Variants in GAS2L2 observed in about 807,000 individuals in gnomAD.
The protein encoded by GAS2L2 is GAS2-like protein 2.
In GAS2L2, 21 loss-of-function variants were observed where a neutral mutation model predicts 35.2. The ratio of observed to expected loss-of-function variants is 0.60; its 90% CI spans 0.42 to 0.86. GAS2L2 has a LOEUF of 0.86. GAS2L2 is among the 40% of genes least tolerant of loss of function. The pLI, the probability that GAS2L2 is intolerant of heterozygous loss-of-function variation, is 0.00. For synonymous variants in GAS2L2, 490 were observed against 473.2 expected, an observed-to-expected ratio of 1.04 and a Z score of -0.46; for missense variants, 1,169 against 1,144.4, an observed-to-expected ratio of 1.02 and a Z score of -0.31.
rs1297744409 is a variant in GAS2L2, at chr17:35,744,808, A to G, written c.*46T>C. 4 of 1,391,724 alleles carry G rather than the reference A, an allele frequency of 2.9e-6. No individual in the cohort carries two copies. Among genetic ancestry groups the G allele is most frequent in the African/African-American group, 1.4e-5 (1 of 70,110 alleles). The allele number at this position is 1,391,724 out of a possible 1,614,324, so 86.2% of individuals were successfully genotyped here. On this transcript the variant is annotated 3_prime_UTR_variant, in exon 6 of 6. Transcript: ENST00000604641. ...CCGCAGCTGTGAATCCAGTGTATAC[A>G]TGGCCATCCTTTTTGCTTCCCTCCT...
At position 35,744,750 on chromosome 17, in the gene GAS2L2, C is replaced by G. The variant is rs2085651887; in HGVS notation, c.*104G>C. 2.3e-6 allele frequency: 2 copies of G among 886,298 alleles called. No homozygotes were observed. Among genetic ancestry groups the G allele is most frequent in the Admixed American group, 2.6e-5 (1 of 38,736 alleles). 54.9% of individuals were successfully genotyped at this position (886,298 alleles called of 1,614,324 possible). On this transcript the variant is annotated 3_prime_UTR_variant, in exon 6 of 6. Coordinates refer to ENST00000604641, the MANE Select transcript of GAS2L2 (RefSeq NM_139285.4). ...TTCTGACCCACTCCTGCCCAAGGCC[C>G]TGTGTGGAGGTGAGGGAACATCCCT...
intron 1 of GAS2L2, among the ~76,000 whole-genome samples, chr17:35,751,681 G>A (rs1555599791): frequency 1.4e-5 from 2 of 144,192 alleles, no homozygotes. Context: ...AAAAAAAAAA[G>A]ACTCAGGCCA....
rs147724556 is a variant in GAS2L2, at chr17:35,746,272, G to T, written c.1225C>A (p.Pro409Thr). 1 of 1,453,924 alleles carries T rather than the reference G, an allele frequency of 6.9e-7. No homozygotes were observed. The highest frequency in any genetic ancestry group is 1.8e-5 in the South Asian group (1 of 56,404). 90.1% of individuals were successfully genotyped at this position (1,453,924 alleles called of 1,614,324 possible). The stretch of plus-strand genomic sequence containing the variant: ...GGAATCCTTCCCCTGGGGAGTTCAG[G>T]GGGGTATCTCTCCTCCCTCTTTCCT... ...SSGKREERYP[P>T]ELPRGRIPTS... The change falls in exon 6 of 6, where the codon CCT (proline) becomes ACT (threonine). Residue 409 changes from proline to threonine, a missense_variant. Pro to Thr is a conservative substitution (Grantham distance 38, BLOSUM62 -1). This residue lies in a region of GAS2L2 where 1,035 missense variants were observed against 976.5 expected (regional missense o/e 1.06). Transcript: ENST00000604641.
intron 1 of GAS2L2, among the ~76,000 whole-genome samples, chr17:35,750,953 A>G (rs1238156444): frequency 6.6e-6 from 1 of 152,052 alleles, no homozygotes; most frequent in East Asian, 2.0e-4. Context: ...CTAACCATTC[A>G]CAATGTCCGG....
At chr17:35,750,009 G>C in intron 2 of GAS2L2, 68 bp downstream of exon 2, 1 of 1,513,248 alleles carries the variant, frequency 6.6e-7, no homozygotes, top group Non-Finnish European at 8.9e-7. Context: ...GGGCTGGAGT[G>C]GGACTGGGGA....
chr17:35,744,967 C>T lies in GAS2L2; in HGVS notation c.2530G>A (p.Glu844Lys). 2.5e-6 allele frequency: 4 copies of T among 1,614,180 alleles called. No individual in the cohort carries two copies. The highest frequency in any genetic ancestry group is 3.4e-6 in the Non-Finnish European group (4 of 1,180,032). ...AATGGAGCGGCTGGCTCTTTCTCCTCCTTTCCTTCCTCCTCCTCCTCACCT... is the reference window on the plus strand; with the variant it reads ...AATGGAGCGGCTGGCTCTTTCTCCTTCTTTCCTTCCTCCTCCTCCTCACCT... Reference protein sequence around the residue: ...SVGEEEEEGKEEKEPAAPLES... With the variant: ...SVGEEEEEGKKEKEPAAPLES... The change falls in exon 6 of 6, where the codon GAG becomes AAG. Residue 844 changes from glutamate to lysine, a missense_variant. Glu to Lys is a moderately conservative substitution (Grantham distance 56). Around this residue, in one of 3 missense-constraint regions of GAS2L2, gnomAD observed 1,035 missense variants for 976.5 expected, o/e 1.06. Transcript: ENST00000604641.
intron 4 of GAS2L2, among the ~76,000 whole-genome samples, 163 bp from the exon 5 acceptor site, chr17:35,747,431 G>A (rs1179269998): frequency 6.6e-6 from 1 of 152,180 alleles, no homozygotes; most frequent in Non-Finnish European, 1.5e-5. Context: ...GGGCTTAGGG[G>A]ACCCAGCTGG....
At chr17:35,746,878 A>G in intron 5 of GAS2L2, 138 bp downstream of exon 5, 1 of 790,688 alleles carries the variant, frequency 1.3e-6, no homozygotes, top group South Asian at 2.0e-5. Flanking sequence ...GGTACTGGGT[A>G]TGCTTCTGGT....
chr17:35,744,744 A>G lies in GAS2L2; in HGVS notation c.*110T>C. 1 of 844,402 alleles carries G rather than the reference A, an allele frequency of 1.2e-6. No individual in the cohort carries two copies. Among genetic ancestry groups the G allele is most frequent in the South Asian group, 1.7e-5 (1 of 57,722 alleles). 52.3% of individuals were successfully genotyped at this position (844,402 alleles called of 1,614,324 possible). On this transcript the variant is annotated 3_prime_UTR_variant, in exon 6 of 6. Transcript: ENST00000604641. ...TTTGTCTTCTGACCCACTCCTGCCC[A>G]AGGCCCTGTGTGGAGGTGAGGGAAC... is the stretch of plus-strand genomic sequence containing the variant.
rs587727008 is a variant in GAS2L2, at chr17:35,747,430, G to A, written c.833-162C>T. Among the ~76,000 whole-genome samples, 7 of 152,270 alleles carry A rather than the reference G, an allele frequency of 4.6e-5. No individual in the cohort carries two copies. In the South Asian group the frequency reaches 1.5e-3, roughly 32 times the overall value. ...AGTTTCTTTACGGGAGGGGCTTAGGGGACCCAGCTGGGGGATTTATTTAAA... is the reference window on the plus strand; with the variant it reads ...AGTTTCTTTACGGGAGGGGCTTAGGAGACCCAGCTGGGGGATTTATTTAAA... On this transcript the variant is annotated intron_variant, in intron 4 of 5. Transcript: ENST00000604641.
At position 35,745,358 on chromosome 17, in the gene GAS2L2, G is replaced by A. The variant is rs1253800815; in HGVS notation, c.2139C>T (p.Gly713=). 1.2e-6 allele frequency: 2 copies of A among 1,601,622 alleles called. No individual in the cohort carries two copies. The highest frequency in any genetic ancestry group is 1.7e-6 in the Non-Finnish European group (2 of 1,173,192). ...PRTKASLSAK[G]THMRKVPPQG... ...GAGGTGGGACCTTCCTCATGTGGGT[G>A]CCCTTGGCACTCAGGCTTGCCTTTG... Residue 713 remains glycine, a synonymous_variant, in exon 6 of 6, where the codon GGC becomes GGT. Transcript: ENST00000604641.
chr17:35,748,230 G>C (rs1362875237), intron 3 of GAS2L2, among the ~76,000 whole-genome samples: 2 of 152,200 alleles, frequency 1.3e-5, no homozygotes, highest in Non-Finnish European at 2.9e-5. Flanking sequence ...AAACGGTTTT[G>C]CATCTGTACA....
At chr17:35,748,018 C>A in intron 3 of GAS2L2, 73 bp from the exon 4 acceptor site, 1 of 1,102,746 alleles carries the variant, frequency 9.1e-7, no homozygotes, top group South Asian at 1.3e-5. Flanking sequence ...CGCGGGCTTC[C>A]GGCACTCACT....
chr17:35,746,099 C>T lies in GAS2L2; in HGVS notation c.1398G>A (p.Glu466=). Residue 466 remains glutamate (E), a synonymous_variant, in exon 6 of 6, where the codon GAG becomes GAA. Coordinates refer to ENST00000604641, the MANE Select transcript of GAS2L2 (RefSeq NM_139285.4). Reference sequence around the variant, plus strand: ...GGAGTGGCAGCCTGAGGCCCAGGCACTCGGCTGGGCCAAAGGAACGAGGCA... The same window carrying T: ...GGAGTGGCAGCCTGAGGCCCAGGCATTCGGCTGGGCCAAAGGAACGAGGCA... ...SPLPRSFGPA[E]CLGLRLPLRD... 1 of 1,515,984 alleles carries T rather than the reference C, an allele frequency of 6.6e-7. No homozygotes were observed. Among genetic ancestry groups the T allele is most frequent in the East Asian group, 2.3e-5 (1 of 43,980 alleles). The allele number at this position is 1,515,984 out of a possible 1,614,324, so 93.9% of individuals were successfully genotyped here.
rs200136536 is a variant in GAS2L2, at chr17:35,745,511, G to C, written c.1986C>G (p.Ser662=). Reference sequence around the variant, plus strand: ...CCAGGTCCACTTTAAGGAGGGATGGGGACCCCTGAGCCAGTTCTTGGATGG... The same window carrying C: ...CCAGGTCCACTTTAAGGAGGGATGGCGACCCCTGAGCCAGTTCTTGGATGG... ...DKAIQELAQG[S]PSLLKVDLEA... Residue 662 remains serine, a synonymous_variant, in exon 6 of 6, where the codon TCC becomes TCG. Coordinates refer to ENST00000604641, the MANE Select transcript of GAS2L2 (RefSeq NM_139285.4). 472 of 1,609,330 alleles carry C rather than the reference G, an allele frequency of 2.9e-4. 2 individuals are homozygous for C. Among genetic ancestry groups the C allele is most frequent in the Admixed American group, 1.0e-4 (6 of 59,792 alleles).
intron 3 of GAS2L2, 29 bp from the exon 4 acceptor site, chr17:35,747,974 G>T (rs376980661): frequency 2.0e-6 from 3 of 1,498,314 alleles, no homozygotes; most frequent in Admixed American, 3.4e-5. Flanking sequence ...GGTTAAGGGC[G>T]GGGTGGAGGG....
At position 35,745,643 on chromosome 17, in the gene GAS2L2, C is replaced by T. The variant is rs2085661001; in HGVS notation, c.1854G>A (p.Arg618=). The T allele has an allele frequency of 5.6e-6, 9 of 1,613,824 alleles. No individual in the cohort carries two copies. The highest frequency in any genetic ancestry group is 1.3e-5 in the African/African-American group (1 of 74,936). Residue 618 remains arginine (R), a synonymous_variant, in exon 6 of 6, where the codon AGG becomes AGA. Coordinates refer to ENST00000604641, the MANE Select transcript of GAS2L2 (RefSeq NM_139285.4). ...ACCTTGTGCCCTGCGGACAGGCACT[C>T]CTGACTTCTAGCAGCTTCATGTTGC... ...ILGNMKLLEV[R]SACPQGTRSG...
chr17:35,748,000 G>T, intron 3 of GAS2L2, 55 bp from the exon 4 acceptor site: 2 of 1,408,104 alleles, frequency 1.4e-6, no homozygotes, highest in Non-Finnish European at 2.0e-6. Flanking sequence ...CCTCTTCCTG[G>T]ACCAGCTCGC....
In GAS2L2 at chr17:35,745,288, C is replaced by T; in HGVS notation, c.2209G>A (p.Glu737Lys). Reference protein sequence around the residue: ...CSASTVSASPEAPTPSPLDPN... With the variant: ...CSASTVSASPKAPTPSPLDPN... ...TCCAAGGGCGAAGGTGTGGGGGCCT[C>T]CGGGCTGGCAGACACAGTAGAAGCC... The change falls in exon 6 of 6, where the codon GAG (glutamate) becomes AAG (lysine). Residue 737 changes from glutamate to lysine, a missense_variant. By Grantham distance (56) the Glu-to-Lys change is moderately conservative. Coordinates refer to ENST00000604641, the MANE Select transcript of GAS2L2 (RefSeq NM_139285.4). The T allele has an allele frequency of 1.9e-6, 3 of 1,611,904 alleles. No individual in the cohort carries two copies. The highest frequency in any genetic ancestry group is 1.7e-6 in the Non-Finnish European group (2 of 1,178,686).
Sources: allele counts gnomAD v4.1 joint callset (sites outside exome capture counted in the v4.1 genomes callset), GRCh38; gene constraint gnomAD v4.1.1; regional missense constraint gnomAD v4.1.1; transcripts MANE v1.5; gene names NCBI Gene and HGNC (gene_info 2026-07-23, HGNC 2026-07-21).